The following NOX4 variants were observed in gnomAD, a reference collection of about 807,000 sequenced individuals.
NOX4 encodes NADPH oxidase 4, also known as kidney oxidase-1.
In NOX4, 69 loss-of-function variants were observed where a neutral mutation model predicts 87.6. The observed-to-expected ratio is 0.79, with a 90% CI of 0.65 to 0.96. NOX4 has a LOEUF of 0.96. Ranked by LOEUF, NOX4 falls within the 40% of genes least tolerant of loss-of-function variation. The pLI is 0.00. For missense variants in NOX4, 680 were observed against 681.5 expected (o/e 1.00, Z 0.02); for synonymous variants, 275 against 238.2 (o/e 1.15, Z -1.42).
At chr11:89,334,331 A>G (rs1353859431) in intron 17 of NOX4, among the ~76,000 whole-genome samples, 1 of 151,784 alleles carries the variant, frequency 6.6e-6, no homozygotes, top group Non-Finnish European at 1.5e-5. Flanking sequence ...TCAACTCTGA[A>G]TATTACAAAA....
the NOX4 span, among the ~76,000 whole-genome samples, chr11:89,525,618 G>A: frequency 5.9e-5 from 9 of 151,874 alleles, no homozygotes; most frequent in African/African-American, 2.2e-4. Flanking sequence ...GTGGATAAAG[G>A]TTATTTGACA....
upstream of NOX4, among the ~76,000 whole-genome samples, chr11:89,501,634 C>T (rs1947021733): frequency 6.6e-6 from 1 of 152,084 alleles, no homozygotes; most frequent in Non-Finnish European, 1.5e-5. Context: ...AGCTCTCTAA[C>T]ACAATCCTCT....
At chr11:89,501,779 G>A (rs1250672830), upstream of NOX4, among the ~76,000 whole-genome samples, 1 of 152,040 alleles carries the variant, frequency 6.6e-6, no homozygotes, top group African/African-American at 2.4e-5. Flanking sequence ...TACTCACTGA[G>A]AGCAGAACAA....
Position 89,330,572 on chromosome 11 carries a change from A to T in NOX4, c.1617-3696T>A, listed in dbSNP as rs183308501. On this transcript the variant is annotated intron_variant, in intron 17 of 17. Transcript: ENST00000263317. Reference sequence around the variant, plus strand: ...TGCTTTTCTAACAAGATTCCAATTGATGCTGGTCCAAGGAATCCAGTTCAG... The same window carrying T: ...TGCTTTTCTAACAAGATTCCAATTGTTGCTGGTCCAAGGAATCCAGTTCAG... Among the ~76,000 whole-genome samples, 24 of 151,444 alleles carry T rather than the reference A, an allele frequency of 1.6e-4. No homozygotes were observed. The East Asian group carries it at 3.7e-3, about 23-fold the overall frequency.
chr11:89,552,874 T>C, the NOX4 span, among the ~76,000 whole-genome samples: 13 of 152,166 alleles, frequency 8.5e-5, 1 homozygote, highest in Admixed American at 5.9e-4. Context: ...GACTCACATG[T>C]GTTTATTACA....
the NOX4 span, among the ~76,000 whole-genome samples, chr11:89,563,760 T>C: frequency 2.6e-5 from 4 of 152,166 alleles, no homozygotes; most frequent in Non-Finnish European, 5.9e-5. Context: ...GAAATTACAA[T>C]TTTGAGTGTT....
the NOX4 span, among the ~76,000 whole-genome samples, chr11:89,553,899 CAAGAGGTAGTTTTGCCACTTGGAGGG>C: frequency 7.3e-6 from 1 of 137,912 alleles, no homozygotes; most frequent in South Asian, 2.3e-4. Context: ...TTTTTAATGA[CAAGAGGTAGTTTTGCCACTTGGAGGG>C]AAGTGCCTAC....
At chr11:89,433,580 A>G (rs1332573064) in intron 6 of NOX4, among the ~76,000 whole-genome samples, 6 of 152,086 alleles carry the variant, frequency 3.9e-5, no homozygotes, top group Non-Finnish European at 2.9e-5. Flanking sequence ...AACTAGAATA[A>G]TTTTAAACAA....
At chr11:89,467,648 T>A (rs1945764701) in intron 2 of NOX4, among the ~76,000 whole-genome samples, 1 of 152,180 alleles carries the variant, frequency 6.6e-6, no homozygotes, top group Non-Finnish European at 1.5e-5. Flanking sequence ...ATGCCAGTCA[T>A]GAGGGCTTTA....
intron 8 of NOX4, among the ~76,000 whole-genome samples, chr11:89,411,595 C>T (rs1383310861): frequency 2.0e-5 from 3 of 152,026 alleles, no homozygotes; most frequent in Admixed American, 6.6e-5. Flanking sequence ...CAGTACCTCA[C>T]TGTGGGCCTG....
the NOX4 span, among the ~76,000 whole-genome samples, chr11:89,530,837 AATACATGTGG>A: frequency 2.0e-5 from 3 of 152,176 alleles, no homozygotes; most frequent in African/African-American, 4.8e-5. Context: ...AAGTAAGGGA[AATACATGTGG>A]CTCTGTAGAC....
At chr11:89,403,756 AT>A (rs1942012044) in intron 8 of NOX4, among the ~76,000 whole-genome samples, 1 of 152,132 alleles carries the variant, frequency 6.6e-6, no homozygotes. Flanking sequence ...AAATAAATAA[AT>A]AACAGCTATG....
chr11:89,382,509 C>T (rs924726407), intron 11 of NOX4, among the ~76,000 whole-genome samples: 13 of 152,026 alleles, frequency 8.6e-5, no homozygotes, highest in Admixed American at 8.5e-4. Context: ...GTCTCTGTTC[C>T]CAATGCGACT....
At chr11:89,522,655 T>C in the NOX4 span, among the ~76,000 whole-genome samples, 1 of 152,096 alleles carries the variant, frequency 6.6e-6, no homozygotes, top group Admixed American at 6.6e-5. Context: ...AAGTTTAAAA[T>C]AAAATAAAAT....
chr11:89,580,710 T>C, the NOX4 span, among the ~76,000 whole-genome samples: 1 of 152,194 alleles, frequency 6.6e-6, no homozygotes, highest in Non-Finnish European at 1.5e-5. Flanking sequence ...TATCATATAT[T>C]AGGCTCTGGG....
At chr11:89,358,489 T>G (rs1193128668) in intron 12 of NOX4, among the ~76,000 whole-genome samples, 1 of 150,578 alleles carries the variant, frequency 6.6e-6, no homozygotes, top group African/African-American at 2.4e-5. Flanking sequence ...TTTAAAAAAA[T>G]TTTATTTTTA....
At chr11:89,502,777 G>A (rs1947036075), upstream of NOX4, among the ~76,000 whole-genome samples, 1 of 152,038 alleles carries the variant, frequency 6.6e-6, no homozygotes, top group African/African-American at 2.4e-5. Context: ...ATAATTCAGG[G>A]AATATATCGT....
chr11:89,582,750 C>T, the NOX4 span, among the ~76,000 whole-genome samples: 1 of 152,212 alleles, frequency 6.6e-6, no homozygotes, highest in African/African-American at 2.4e-5. Flanking sequence ...AGTGAGCTAC[C>T]TGCTGACAGG....
At chr11:89,491,524 G>T (rs1283777721), upstream of NOX4, 8 of 449,020 alleles carry the variant, frequency 1.8e-5, no homozygotes, top group South Asian at 2.2e-4. Context: ...CGCGGCCCAG[G>T]CTGCACCAGT....
Sources: allele counts gnomAD v4.1 joint callset (sites outside exome capture counted in the v4.1 genomes callset), GRCh38; gene constraint gnomAD v4.1.1; transcripts MANE v1.5; gene names NCBI Gene and HGNC (gene_info 2026-07-23, HGNC 2026-07-21).